Variants in ANKH observed in about 807,000 individuals in gnomAD.
ANKH encodes mineralization regulator ANKH.
Under a neutral mutation model 49.0 loss-of-function variants are expected in ANKH, and 15 were observed. That is an observed-to-expected ratio of 0.31 (90% CI 0.20 to 0.47). ANKH has a LOEUF of 0.47. ANKH is among the 20% of genes least tolerant of loss of function. The pLI is 1.00. For missense variants in ANKH, 429 were observed against 652.0 expected (o/e 0.66, Z 3.72); for synonymous variants, 273 against 260.0 (o/e 1.05, Z -0.48).
Position 14,871,414 on chromosome 5 carries a change from G to A in ANKH, c.34C>T (p.Pro12Ser), listed in dbSNP as rs146119298. 1.2e-6 allele frequency: 2 copies of A among 1,613,316 alleles called. No individual in the cohort carries two copies. Among genetic ancestry groups the A allele is most frequent in the African/African-American group, 2.7e-5 (2 of 74,918 alleles). The change falls in exon 1 of 12, where the codon CCC (proline) becomes TCC (serine). Residue 12 changes from proline (P) to serine (S), a missense_variant. By Grantham distance (74) the Pro-to-Ser change is moderately conservative. Transcript: ENST00000284268. Reference sequence around the variant, plus strand: ...AGGGGCACCAAGAACCGGATCAGGGGCCAGTAGTGCGTGAGCGCCGGGAAT... The same window carrying A: ...AGGGGCACCAAGAACCGGATCAGGGACCAGTAGTGCGTGAGCGCCGGGAAT... ...VKFPALTHYWPLIRFLVPLGI... is the reference protein window; with the variant it reads ...VKFPALTHYWSLIRFLVPLGI...
intron 8 of ANKH, among the ~76,000 whole-genome samples, chr5:14,732,413 T>TA (rs931563817): frequency 8.6e-5 from 13 of 152,012 alleles, no homozygotes; most frequent in African/African-American, 2.9e-4. Context: ...GACTGGCTTT[T>TA]AAAAAAACAA....
At chr5:14,742,082 C>T (rs1738378667) in intron 7 of ANKH, among the ~76,000 whole-genome samples, 160 bp from the exon 8 acceptor site, 1 of 152,200 alleles carries the variant, frequency 6.6e-6, no homozygotes, top group Non-Finnish European at 1.5e-5. Flanking sequence ...GAGTGTCTCT[C>T]GGGCAGCTGT....
chr5:14,831,232 G>A (rs141916927), intron 1 of ANKH, among the ~76,000 whole-genome samples: 15 of 152,002 alleles, frequency 9.9e-5, no homozygotes, highest in African/African-American at 3.1e-4. Context: ...AACCGGAATC[G>A]GACAGCCAGC....
intron 1 of ANKH, among the ~76,000 whole-genome samples, chr5:14,791,059 C>T (rs557222395): frequency 7.9e-5 from 12 of 152,258 alleles, no homozygotes; most frequent in Admixed American, 5.9e-4. Context: ...GACTGAGACT[C>T]ATAGGGAAAA....
chr5:14,726,275 T>C (rs2126437403), intron 8 of ANKH, among the ~76,000 whole-genome samples: 1 of 152,316 alleles, frequency 6.6e-6, no homozygotes, highest in Non-Finnish European at 1.5e-5. Flanking sequence ...TGGCCTTTTG[T>C]TTCTTAGTGC....
Position 14,749,265 on chromosome 5 carries a change from A to G in ANKH, c.729T>C (p.Pro243=). ...TCTGTGTGGCCAGAATTAGAGCCAA[A>G]GGCCACCAGAAGCTCAGCATCTTTC... ...TIRKMLSFWW[P]LALILATQRI... The change falls in exon 6 of 12, where the codon CCT becomes CCC. Residue 243 remains proline, a synonymous_variant. Coordinates refer to ENST00000284268, the MANE Select transcript of ANKH (RefSeq NM_054027.6). 6.2e-7 allele frequency: 1 copy of G among 1,614,226 alleles called. No homozygotes were observed. The highest frequency in any genetic ancestry group is 8.5e-7 in the Non-Finnish European group (1 of 1,180,018).
chr5:14,822,812 C>G (rs904395164), intron 1 of ANKH, among the ~76,000 whole-genome samples: 1 of 152,128 alleles, frequency 6.6e-6, no homozygotes, highest in African/African-American at 2.4e-5. Context: ...TTTGGGAGGC[C>G]GAGGCGGGTG....
In ANKH at chr5:14,843,175, CTTTT is replaced by C. The variant is rs34837612; in HGVS notation, c.96+28173_96+28176del. ...ACCTTTGCAGAGCCACCAGGGTTCT[CTTTT>C]TTTTTTTTTTTTTTTGAGAAGAGAC... is the stretch of plus-strand genomic sequence containing the variant. On this transcript the variant is annotated intron_variant, in intron 1 of 11. Coordinates refer to ENST00000284268, the MANE Select transcript of ANKH (RefSeq NM_054027.6). 5.3e-5 allele frequency among the ~76,000 whole-genome samples: 7 copies of C among 132,250 alleles called. 1 individual carries two copies. In the South Asian group the frequency reaches 7.5e-4, roughly 14 times the overall value. 86.8% of individuals were successfully genotyped at this position (132,250 alleles called of 152,430 possible). A position where few individuals can be genotyped will look rare whatever the true frequency, so the allele number is the denominator to read the frequency against.
chr5:14,765,252 A>G (rs1000199784), intron 2 of ANKH, among the ~76,000 whole-genome samples: 3 of 152,244 alleles, frequency 2.0e-5, no homozygotes, highest in African/African-American at 7.2e-5. Flanking sequence ...GCTGTTCAAC[A>G]AGGGCCAAGA....
chr5:14,739,451 A>G (rs151285886), intron 8 of ANKH, among the ~76,000 whole-genome samples: 5 of 152,172 alleles, frequency 3.3e-5, no homozygotes, highest in South Asian at 2.1e-4. Flanking sequence ...CTCCCTTTAT[A>G]TTTTTTTCTA....
At chr5:14,813,066 C>A (rs893805279) in intron 1 of ANKH, among the ~76,000 whole-genome samples, 1 of 151,932 alleles carries the variant, frequency 6.6e-6, no homozygotes, top group Non-Finnish European at 1.5e-5. Flanking sequence ...CATAGTGAAA[C>A]CCTATCTCTA....
At chr5:14,763,245 A>G (rs1739146835) in intron 2 of ANKH, among the ~76,000 whole-genome samples, 1 of 152,278 alleles carries the variant, frequency 6.6e-6, no homozygotes, top group Non-Finnish European at 1.5e-5. Context: ...AAAGTCTCAC[A>G]GGTACTGTTG....
chr5:14,828,554 CA>C (rs1485808048), intron 1 of ANKH, among the ~76,000 whole-genome samples: 1 of 151,940 alleles, frequency 6.6e-6, no homozygotes, highest in Non-Finnish European at 1.5e-5. Flanking sequence ...CAAACAACAA[CA>C]AAAAGTTTCC....
At chr5:14,761,676 G>T (rs781251840) in intron 2 of ANKH, among the ~76,000 whole-genome samples, 1 of 151,968 alleles carries the variant, frequency 6.6e-6, no homozygotes, top group Non-Finnish European at 1.5e-5. Flanking sequence ...CCATATGCTG[G>T]ACACCACAAT....
At chr5:14,771,937 A>AAAAAAAAAAAAAAAAAAC (rs1561048114) in intron 1 of ANKH, among the ~76,000 whole-genome samples, 2 of 140,386 alleles carry the variant, frequency 1.4e-5, no homozygotes, top group African/African-American at 5.4e-5. Flanking sequence ...AAAAAAAAAA[A>AAAAAAAAAAAAAAAAAAC]AAAAAAAAAA....
intron 1 of ANKH, among the ~76,000 whole-genome samples, chr5:14,779,804 C>T (rs989304877): frequency 6.6e-6 from 1 of 152,218 alleles, no homozygotes; most frequent in Non-Finnish European, 1.5e-5. Context: ...TCTTCCATGA[C>T]TACTTCCACC....
chr5:14,815,794 C>A (rs1741017973), intron 1 of ANKH, among the ~76,000 whole-genome samples: 1 of 152,218 alleles, frequency 6.6e-6, no homozygotes, highest in Non-Finnish European at 1.5e-5. Context: ...GAGGCATTGG[C>A]CAATGTAGAG....
At chr5:14,782,824 G>A (rs544859083) in intron 1 of ANKH, among the ~76,000 whole-genome samples, 4 of 152,240 alleles carry the variant, frequency 2.6e-5, no homozygotes, top group South Asian at 2.1e-4. Flanking sequence ...CCAGCACCAC[G>A]CAGGCCATCT....
At chr5:14,748,015 C>T (rs1738593970) in intron 6 of ANKH, among the ~76,000 whole-genome samples, 1 of 152,216 alleles carries the variant, frequency 6.6e-6, no homozygotes, top group Non-Finnish European at 1.5e-5. Flanking sequence ...AATGCCAGTG[C>T]TGTACCCCAC....
Sources: allele counts gnomAD v4.1 joint callset (sites outside exome capture counted in the v4.1 genomes callset), GRCh38; gene constraint gnomAD v4.1.1; transcripts MANE v1.5; gene names NCBI Gene and HGNC (gene_info 2026-07-23, HGNC 2026-07-21).